HIP1: variants seen among roughly 807,000 people sequenced by gnomAD.
HIP1 encodes huntingtin-interacting protein 1.
HIP1 carries 65 observed loss-of-function variants against 147.6 expected under a neutral mutation model. That is an observed-to-expected ratio of 0.44 (90% CI 0.36 to 0.54). HIP1 has a LOEUF of 0.54. HIP1 is among the 20% of genes least tolerant of loss of function. HIP1 has a pLI of 0.00. For missense variants in HIP1, 1,061 were observed against 1,299.6 expected (o/e 0.82, Z 2.82); for synonymous variants, 479 against 504.0 (o/e 0.95, Z 0.67).
chr7:75,570,593 T>C (rs1795591457), intron 8 of HIP1, among the ~76,000 whole-genome samples: 1 of 151,582 alleles, frequency 6.6e-6, no homozygotes, highest in African/African-American at 2.4e-5. Flanking sequence ...GCCCGGCCAG[T>C]TGTGGCAAAT....
At chr7:75,682,603 A>G (rs1454663918) in intron 1 of HIP1, among the ~76,000 whole-genome samples, 5 of 151,828 alleles carry the variant, frequency 3.3e-5, no homozygotes, top group African/African-American at 4.8e-5. Context: ...AAACAAAACA[A>G]AACAAAAAAC....
chr7:75,635,402 C>T lies in HIP1; in HGVS notation c.121-36155G>A, dbSNP rs1365787204. ...AGAGTCACCTTAGGCCCAGATGAGACGAGAGATCATTATCAGAACAGCCAA... is the reference window on the plus strand; with the variant it reads ...AGAGTCACCTTAGGCCCAGATGAGATGAGAGATCATTATCAGAACAGCCAA... On this transcript the variant is annotated intron_variant, in intron 1 of 30. Coordinates refer to ENST00000336926, the MANE Select transcript of HIP1 (RefSeq NM_005338.7). 2.6e-5 allele frequency among the ~76,000 whole-genome samples: 4 copies of T among 151,926 alleles called. No homozygotes were observed. In the East Asian group the frequency reaches 5.8e-4, roughly 22 times the overall value.
Position 75,554,493 on chromosome 7 carries a change from C to T in HIP1, c.1997G>A (p.Ser666Asn). The T allele has an allele frequency of 2.5e-6, 4 of 1,613,914 alleles. No homozygotes were observed. Among genetic ancestry groups the T allele is most frequent in the Non-Finnish European group, 3.4e-6 (4 of 1,179,936 alleles). ...GCTTTTCTCCAGTTGCTCGATGCAG[C>T]TGGAAATGGATGTGACCGTGGAGAG... ...HLLSTVTSIS[S>N]CIEQLEKSWS... The change falls in exon 20 of 31, where the codon AGC becomes AAC. Residue 666 changes from serine to asparagine, a missense_variant. Transcript: ENST00000336926.
chr7:75,562,390 G>C (rs1333681985), intron 11 of HIP1, among the ~76,000 whole-genome samples: 1 of 152,200 alleles, frequency 6.6e-6, no homozygotes, highest in Non-Finnish European at 1.5e-5. Context: ...CCTGGCTCAA[G>C]TGATCCTCCT....
intron 1 of HIP1, among the ~76,000 whole-genome samples, chr7:75,640,459 C>G (rs1022466441): frequency 6.6e-6 from 1 of 152,180 alleles, no homozygotes; most frequent in Non-Finnish European, 1.5e-5. Flanking sequence ...TGGCTCCCGG[C>G]GGGCTCACGC....
rs782184027 is a variant in HIP1 at position 75,648,026 on chromosome 7, AAGAC to A, written c.121-48783_121-48780del. Among the ~76,000 whole-genome samples, 14 of 152,210 alleles carry A rather than the reference AAGAC, an allele frequency of 9.2e-5. No homozygotes were observed. The East Asian group carries it at 9.6e-4, about 10-fold the overall frequency. On this transcript the variant is annotated intron_variant, in intron 1 of 30. Transcript: ENST00000336926. ...TAGGCCCTCCTGTGTAGGCCACAGAAAGACAGCACAGGCTGCTATGCAGGGAGGG... is the reference window on the plus strand; with the variant it reads ...TAGGCCCTCCTGTGTAGGCCACAGAAAGCACAGGCTGCTATGCAGGGAGGG...
intron 1 of HIP1, among the ~76,000 whole-genome samples, chr7:75,631,502 G>A (rs148004747): frequency 9.4e-4 from 143 of 152,188 alleles, no homozygotes; most frequent in African/African-American, 3.2e-3. Context: ...TGTGCACAGG[G>A]GACAGGGCTG....
chr7:75,651,529 T>C (rs1279891537), intron 1 of HIP1, among the ~76,000 whole-genome samples: 2 of 136,848 alleles, frequency 1.5e-5, no homozygotes, highest in Non-Finnish European at 3.1e-5. Context: ...CCCAAGATTC[T>C]AAAGCCAAAG....
intron 14 of HIP1, 29 bp downstream of exon 14, chr7:75,559,703 G>GGCCGGC: frequency 1.7e-6 from 2 of 1,195,144 alleles, no homozygotes; most frequent in Non-Finnish European, 2.3e-6. Context: ...TGCCCCCGGG[G>GGCCGGC]CCCGCCCCCG....
At chr7:75,705,463 G>A (rs1328624399) in intron 1 of HIP1, among the ~76,000 whole-genome samples, 7 of 151,492 alleles carry the variant, frequency 4.6e-5, no homozygotes, top group African/African-American at 1.7e-4. Context: ...CGCCTCCCGA[G>A]TTCAAGTGAT....
intron 1 of HIP1, chr7:75,639,125 C>T: frequency 1.0e-6 from 1 of 984,622 alleles, no homozygotes; most frequent in Non-Finnish European, 1.2e-6. Flanking sequence ...CCCAAAGCTG[C>T]TCCCGGCTAA....
At chr7:75,736,791 T>A (rs1554523735) in intron 1 of HIP1, among the ~76,000 whole-genome samples, 1 of 151,016 alleles carries the variant, frequency 6.6e-6, no homozygotes, top group Non-Finnish European at 1.5e-5. Context: ...TAGAGAAGAC[T>A]CCCTGCTTCA....
intron 8 of HIP1, among the ~76,000 whole-genome samples, chr7:75,569,004 CA>C (rs1447264827): frequency 6.6e-6 from 1 of 151,090 alleles, no homozygotes; most frequent in Non-Finnish European, 1.5e-5. Context: ...GAGACTCTGT[CA>C]AAAAAAAGAA....
At position 75,547,701 on chromosome 7, in the gene HIP1, T is replaced by C. The variant is rs782811635; in HGVS notation, c.2465+54A>G. 1.4e-5 allele frequency: 20 copies of C among 1,444,174 alleles called. 1 individual carries two copies. In the South Asian group the frequency reaches 1.6e-4, roughly 12 times the overall value. 89.5% of individuals were successfully genotyped at this position (1,444,174 alleles called of 1,614,324 possible). ...AATAAGTATGCAAAGTATAGACCAA[T>C]GTCAGGAAGACAGATCCTGCTCCCC... On this transcript the variant is annotated intron_variant, in intron 24 of 30. Transcript: ENST00000336926.
intron 4 of HIP1, among the ~76,000 whole-genome samples, chr7:75,591,240 C>A (rs1554500686): frequency 2.6e-5 from 4 of 152,054 alleles, no homozygotes; most frequent in African/African-American, 9.7e-5. Flanking sequence ...ACCATGTTGG[C>A]CAGGTTAGTC....
intron 1 of HIP1, among the ~76,000 whole-genome samples, chr7:75,612,695 G>C (rs1014601026): frequency 6.6e-6 from 1 of 151,650 alleles, no homozygotes; most frequent in African/African-American, 2.4e-5. Flanking sequence ...TGTAATTCCA[G>C]CTACTCAGGA....
At chr7:75,592,662 C>G in intron 2 of HIP1, 148 bp from the exon 3 acceptor site, 1 of 788,202 alleles carries the variant, frequency 1.3e-6, no homozygotes, top group Non-Finnish European at 1.9e-6. Context: ...GGGACCAAGC[C>G]TGCACACAGC....
chr7:75,574,101 G>T (rs1795747123), intron 7 of HIP1, among the ~76,000 whole-genome samples, 200 bp from the exon 8 acceptor site: 1 of 152,146 alleles, frequency 6.6e-6, no homozygotes, highest in Non-Finnish European at 1.5e-5. Context: ...GAAACAGAAG[G>T]TTAGTAACTT....
chr7:75,556,236 GT>G (rs1261438078), intron 17 of HIP1, 67 bp from the exon 18 acceptor site: 2 of 1,561,096 alleles, frequency 1.3e-6, no homozygotes, highest in African/African-American at 2.7e-5. Flanking sequence ...CTTCCCAGAG[GT>G]CCAACCCACC....
Sources: allele counts gnomAD v4.1 joint callset (sites outside exome capture counted in the v4.1 genomes callset), GRCh38; gene constraint gnomAD v4.1.1; transcripts MANE v1.5; gene names NCBI Gene and HGNC (gene_info 2026-07-23, HGNC 2026-07-21).